ADGRL3: variants seen among roughly 807,000 people sequenced by gnomAD.
The protein encoded by ADGRL3 is calcium-independent alpha-latrotoxin receptor 3.
In ADGRL3, 62 loss-of-function variants were observed where a neutral mutation model predicts 153.5. The ratio of observed to expected loss-of-function variants is 0.40; its 90% confidence interval spans 0.33 to 0.50. The LOEUF is 0.50. Among genes scored for constraint, ADGRL3 ranks in the 20% least tolerant of loss-of-function variants. The probability of loss-of-function intolerance (pLI) is 0.47; values close to 1 mark genes in which losing one functional copy is unlikely to be tolerated. For synonymous variants in ADGRL3, 710 were observed against 672.5 expected (o/e 1.06, Z -0.86); for missense variants, 1,641 against 1,859.4 (o/e 0.88, Z 2.16).
intron 9 of ADGRL3, among the ~76,000 whole-genome samples, chr4:61,856,947 CTTCTCTTTCTTTCTTTCT>C (rs1375028823): frequency 6.4e-4 from 50 of 77,986 alleles, no homozygotes; most frequent in African/African-American, 2.3e-3. Flanking sequence ...CCTCTTTCTT[CTTCTCTTTCTTTCTTTCT>C]TTCTTTCTTT....
At chr4:61,335,265 A>C (rs1283225795) in intron 1 of ADGRL3, among the ~76,000 whole-genome samples, 1 of 152,176 alleles carries the variant, frequency 6.6e-6, no homozygotes, top group African/African-American at 2.4e-5. Flanking sequence ...GGATACCTAT[A>C]AAAGCAGGAT....
At chr4:61,447,831 G>A (rs1845582) in intron 2 of ADGRL3, among the ~76,000 whole-genome samples, 141,814 of 152,224 alleles carry the variant, frequency 0.93, 66,902 homozygotes, top group East Asian at 1. Flanking sequence ...CTACAAATTC[G>A]GTTTCATATT....
chr4:61,816,153 T>C (rs1371396922), intron 9 of ADGRL3, among the ~76,000 whole-genome samples: 3 of 152,198 alleles, frequency 2.0e-5, no homozygotes, highest in Non-Finnish European at 4.4e-5. Context: ...CAGTTCCTCA[T>C]ACAAGATCCC....
chr4:61,751,814 AT>A (rs1375631774), intron 8 of ADGRL3, among the ~76,000 whole-genome samples: 1 of 152,174 alleles, frequency 6.6e-6, no homozygotes, highest in Non-Finnish European at 1.5e-5. Context: ...TCATGCTTAT[AT>A]CTATGAGCAG....
intron 2 of ADGRL3, among the ~76,000 whole-genome samples, chr4:61,418,438 G>A (rs1239603740): frequency 2.8e-5 from 4 of 142,820 alleles, no homozygotes; most frequent in Non-Finnish European, 5.9e-5. Flanking sequence ...CTTCACAATG[G>A]CAGCAAATTT....
At chr4:61,948,311 T>C (rs1204468531) in intron 17 of ADGRL3, 35 bp downstream of exon 17, 2 of 1,539,492 alleles carry the variant, frequency 1.3e-6, no homozygotes, top group African/African-American at 1.4e-5. Context: ...AATGTTTTAG[T>C]ATATTATATG....
intron 2 of ADGRL3, among the ~76,000 whole-genome samples, chr4:61,489,877 C>G (rs757674961): frequency 6.6e-6 from 1 of 152,020 alleles, no homozygotes; most frequent in African/African-American, 2.4e-5. Flanking sequence ...TCTTAAAAGA[C>G]AATACTTGGA....
intron 6 of ADGRL3, among the ~76,000 whole-genome samples, chr4:61,683,114 ATTT>A (rs34187412): frequency 4.3e-5 from 6 of 141,104 alleles, no homozygotes; most frequent in Non-Finnish European, 6.1e-5. Context: ...CAAGAGCTGT[ATTT>A]TTTTTTTTTT....
rs542103081 is a variant in ADGRL3 at position 61,992,993 on chromosome 4, G to A, written c.3237-3298G>A. 7.9e-5 allele frequency among the ~76,000 whole-genome samples: 12 copies of A among 152,226 alleles called. No homozygotes were observed. In the East Asian group the frequency reaches 1.5e-3, roughly 20 times the overall value. On this transcript the variant is annotated intron_variant, in intron 19 of 26. Coordinates refer to ENST00000683033, the MANE Select transcript of ADGRL3 (RefSeq NM_001387552.1). ...ACTTGTAAAATAATCTTCTATAGAAGATTGTGAAGCACATTTCTTTTTCTG... is the reference window on the plus strand; with the variant it reads ...ACTTGTAAAATAATCTTCTATAGAAAATTGTGAAGCACATTTCTTTTTCTG...
At chr4:61,464,702 A>T (rs1298309933) in intron 2 of ADGRL3, among the ~76,000 whole-genome samples, 1 of 152,194 alleles carries the variant, frequency 6.6e-6, no homozygotes, top group African/African-American at 2.4e-5. Context: ...CATATAACTG[A>T]TATGGAAGAT....
intron 9 of ADGRL3, among the ~76,000 whole-genome samples, chr4:61,844,016 T>C (rs1264476046): frequency 7.1e-6 from 1 of 141,628 alleles, no homozygotes; most frequent in Non-Finnish European, 1.6e-5. Flanking sequence ...CAAAACCCTG[T>C]CTTGAAAAAA....
At chr4:61,378,547 A>G (rs368248820) in intron 1 of ADGRL3, among the ~76,000 whole-genome samples, 6 of 152,016 alleles carry the variant, frequency 3.9e-5, no homozygotes, top group South Asian at 2.1e-4. Flanking sequence ...AAAACTTTGA[A>G]CAAGTGTACA....
At chr4:62,048,324 A>G (rs1732245527) in intron 25 of ADGRL3, among the ~76,000 whole-genome samples, 1 of 151,682 alleles carries the variant, frequency 6.6e-6, no homozygotes, top group African/African-American at 2.4e-5. Context: ...GTTCAGTGGC[A>G]TGATCTCAGC....
intron 21 of ADGRL3, 49 bp downstream of exon 21, chr4:61,998,314 T>C: frequency 1.1e-6 from 1 of 891,504 alleles, no homozygotes; most frequent in Non-Finnish European, 1.7e-6. Context: ...ACATTTATAC[T>C]CCAAACTATC....
chr4:61,289,579 G>A (rs530785175), intron 1 of ADGRL3, among the ~76,000 whole-genome samples: 1 of 151,948 alleles, frequency 6.6e-6, no homozygotes, highest in South Asian at 2.1e-4. Flanking sequence ...TAAGATCTAA[G>A]GTAATTGTTT....
At position 61,375,197 on chromosome 4, in the gene ADGRL3, T is replaced by C. The variant is rs578111007; in HGVS notation, c.-239-7927T>C. On this transcript the variant is annotated intron_variant, in intron 1 of 26. Coordinates refer to ENST00000683033, the MANE Select transcript of ADGRL3 (RefSeq NM_001387552.1). ...TGTAGAAGGTATTTGGTAGCATGTG[T>C]TGGCACAATAACTTGTTCTTAGGCT... Among the ~76,000 whole-genome samples the C allele has an allele frequency of 2.0e-5, 3 of 152,294 alleles. No homozygotes were observed. The South Asian group carries it at 6.2e-4, about 32-fold the overall frequency.
At position 61,759,311 on chromosome 4, in the gene ADGRL3, A is replaced by G. The variant is rs369117872; in HGVS notation, c.1399+25757A>G. ...CTCCCCATCACTTTCAGGTACACCA[A>G]TCAGACGTAGATTTGGTGTTTTCAC... On this transcript the variant is annotated intron_variant, in intron 8 of 26. Transcript: ENST00000683033. 2.6e-4 allele frequency among the ~76,000 whole-genome samples: 40 copies of G among 152,284 alleles called. No homozygotes were observed. In the South Asian group the frequency reaches 7.1e-3, roughly 27 times the overall value.
chr4:61,751,702 T>C (rs1252133580), intron 8 of ADGRL3, among the ~76,000 whole-genome samples: 1 of 152,162 alleles, frequency 6.6e-6, no homozygotes, highest in African/African-American at 2.4e-5. Context: ...GACTAGAGAT[T>C]TGGAGACTGA....
intron 9 of ADGRL3, among the ~76,000 whole-genome samples, chr4:61,823,491 CATTT>C (rs1260680023): frequency 6.6e-6 from 1 of 152,034 alleles, no homozygotes; most frequent in African/African-American, 2.4e-5. Context: ...GTGGTATTAA[CATTT>C]ATTTGTTCCC....
Sources: allele counts gnomAD v4.1 joint callset (sites outside exome capture counted in the v4.1 genomes callset), GRCh38; gene constraint gnomAD v4.1.1; transcripts MANE v1.5; gene names NCBI Gene and HGNC (gene_info 2026-07-23, HGNC 2026-07-21).